KAZN: variants seen among roughly 807,000 people sequenced by gnomAD.
The protein encoded by KAZN is kazrin, periplakin interacting protein.
KAZN carries 40 observed loss-of-function variants against 87.4 expected under a neutral mutation model. The observed-to-expected ratio is 0.46, with a 90% CI of 0.36 to 0.60. The LOEUF (loss-of-function observed/expected upper bound fraction) is 0.60, where lower values mean the gene tolerates loss of function less well. Ranked by LOEUF, KAZN falls within the 20% of genes least tolerant of loss-of-function variation. KAZN has a pLI of 0.00. For synonymous variants in KAZN, 466 were observed against 458.3 expected, an observed-to-expected ratio of 1.02 and a Z score of -0.22; for missense variants, 898 against 1,073.9, an observed-to-expected ratio of 0.84 and a Z score of 2.29.
intron 1 of KAZN, among the ~76,000 whole-genome samples, chr1:14,116,142 G>A (rs1401822321): frequency 6.6e-6 from 1 of 152,194 alleles, no homozygotes; most frequent in Non-Finnish European, 1.5e-5. Flanking sequence ...ATTTCCTGAG[G>A]AGAAATCCAA....
At chr1:14,988,672 CTGTT>C (rs1166037297) in intron 2 of KAZN, among the ~76,000 whole-genome samples, 2 of 152,228 alleles carry the variant, frequency 1.3e-5, no homozygotes, top group African/African-American at 4.8e-5. Context: ...TCTTAAGTAT[CTGTT>C]TGGGCTGGGG....
intron 1 of KAZN, among the ~76,000 whole-genome samples, chr1:14,028,048 T>C (rs1641156212): frequency 6.6e-6 from 1 of 152,200 alleles, no homozygotes; most frequent in Non-Finnish European, 1.5e-5. Context: ...TCCTCACTGG[T>C]GAGGCATGCC....
intron 2 of KAZN, among the ~76,000 whole-genome samples, chr1:14,512,337 T>C (rs888078195): frequency 6.6e-6 from 1 of 152,102 alleles, no homozygotes; most frequent in Non-Finnish European, 1.5e-5. Flanking sequence ...GTGGGGCGCA[T>C]TGTAGGATGT....
intron 1 of KAZN, among the ~76,000 whole-genome samples, chr1:14,782,264 C>T (rs1480629483): frequency 6.6e-6 from 1 of 151,772 alleles, no homozygotes; most frequent in Non-Finnish European, 1.5e-5. Flanking sequence ...ATGCACCTCC[C>T]GGCTGGGTGC....
At chr1:15,098,213 T>A (rs150813282) in intron 10 of KAZN, among the ~76,000 whole-genome samples, 91 of 152,382 alleles carry the variant, frequency 6.0e-4, no homozygotes, top group African/African-American at 2.0e-3. Flanking sequence ...TTTCAGAGTC[T>A]AATCCGGCTC....
At chr1:14,179,372 T>C (rs1038889278) in intron 1 of KAZN, among the ~76,000 whole-genome samples, 1 of 152,246 alleles carries the variant, frequency 6.6e-6, no homozygotes, top group Non-Finnish European at 1.5e-5. Context: ...CTCAACTTGC[T>C]TTTTCATATT....
intron 1 of KAZN, among the ~76,000 whole-genome samples, chr1:14,671,174 G>A (rs978839119): frequency 1.3e-5 from 2 of 152,170 alleles, no homozygotes; most frequent in African/African-American, 4.8e-5. Flanking sequence ...CCAATATTTG[G>A]TTTATCTAGG....
chr1:14,296,635 T>TG (rs1654142161), intron 2 of KAZN, among the ~76,000 whole-genome samples: 3 of 143,584 alleles, frequency 2.1e-5, no homozygotes, highest in Non-Finnish European at 4.6e-5. Context: ...ATTTCTTTTT[T>TG]TTTTTTTTTT....
chr1:15,057,491 A>G (rs1229994658), intron 5 of KAZN, among the ~76,000 whole-genome samples: 1 of 152,208 alleles, frequency 6.6e-6, no homozygotes, highest in Non-Finnish European at 1.5e-5. Context: ...TTGATAGGTG[A>G]CACAGGGGAC....
chr1:15,016,073 A>G (rs1374642898), intron 2 of KAZN, among the ~76,000 whole-genome samples: 2 of 149,840 alleles, frequency 1.3e-5, no homozygotes, highest in East Asian at 4.0e-4. Context: ...AGATGAGATC[A>G]TTCTGGGACA....
At chr1:14,553,417 A>G (rs1033126967) in intron 2 of KAZN, among the ~76,000 whole-genome samples, 12 of 152,162 alleles carry the variant, frequency 7.9e-5, no homozygotes, top group Admixed American at 7.9e-4. Context: ...CTTGGTAACT[A>G]ATTCAAAACC....
chr1:14,196,700 C>T (rs1646533218), intron 2 of KAZN, among the ~76,000 whole-genome samples: 1 of 151,908 alleles, frequency 6.6e-6, no homozygotes, highest in South Asian at 2.1e-4. Flanking sequence ...CAGTGAGAAG[C>T]CTGGGGTTCA....
chr1:14,982,597 T>C (rs1328801982), intron 2 of KAZN, among the ~76,000 whole-genome samples: 3 of 152,012 alleles, frequency 2.0e-5, no homozygotes, highest in Non-Finnish European at 4.4e-5. Context: ...GCCCAGCTAA[T>C]ATTGTATTTA....
At chr1:14,000,583 C>G (rs1451885097) in intron 1 of KAZN, among the ~76,000 whole-genome samples, 4 of 152,200 alleles carry the variant, frequency 2.6e-5, no homozygotes, top group South Asian at 2.1e-4. Flanking sequence ...GACAAACCCA[C>G]AATGAATACC....
At chr1:14,416,720 G>A (rs1664794005) in intron 2 of KAZN, among the ~76,000 whole-genome samples, 2 of 151,750 alleles carry the variant, frequency 1.3e-5, no homozygotes, top group South Asian at 2.1e-4. Context: ...CTGGGTGACA[G>A]AACAAGACTC....
chr1:14,919,614 G>A (rs1364212118), intron 1 of KAZN, among the ~76,000 whole-genome samples: 1 of 152,210 alleles, frequency 6.6e-6, no homozygotes, highest in Non-Finnish European at 1.5e-5. Context: ...GGAATCAAGA[G>A]TTTACTGCTT....
intron 2 of KAZN, among the ~76,000 whole-genome samples, chr1:14,466,934 G>C (rs144554644): frequency 1.3e-5 from 2 of 152,058 alleles, no homozygotes; most frequent in Middle Eastern, 3.2e-3. Flanking sequence ...GCGCCACTGC[G>C]CTCCAGCCTG....
intron 2 of KAZN, among the ~76,000 whole-genome samples, chr1:14,216,738 A>C (rs1161232272): frequency 1.3e-5 from 2 of 152,072 alleles, no homozygotes; most frequent in African/African-American, 2.4e-5. Context: ...CCCCGTCTCT[A>C]CTAAAAATAC....
At chr1:13,942,800 C>A (rs2100974036) in intron 1 of KAZN, among the ~76,000 whole-genome samples, 2 of 152,078 alleles carry the variant, frequency 1.3e-5, no homozygotes, top group South Asian at 4.2e-4. Context: ...TAGCTAGAAT[C>A]TATAAAAATT....
Sources: gnomAD v4.1 joint callset for allele counts (sites outside exome capture counted in the v4.1 genomes callset) on GRCh38, gnomAD v4.1.1 for gene constraint, MANE v1.5 for transcripts, NCBI Gene and HGNC (gene_info 2026-07-23, HGNC 2026-07-21) for gene names.